Variants in EXOC6B observed in about 807,000 individuals in gnomAD.
The protein encoded by EXOC6B is exocyst complex component 6B.
A neutral mutation model predicts 113.5 loss-of-function variants in EXOC6B; 54 were observed. That is an observed-to-expected ratio of 0.48 (90% confidence interval 0.38 to 0.60). The LOEUF is 0.60. Ranked by LOEUF, EXOC6B falls within the 20% of genes least tolerant of loss-of-function variation. EXOC6B has a pLI of 0.00. For synonymous variants in EXOC6B, 357 were observed against 339.0 expected, an observed-to-expected ratio of 1.05 and a Z score of -0.58; for missense variants, 797 against 977.5, an observed-to-expected ratio of 0.82 and a Z score of 2.46.
At chr2:72,705,668 G>T (rs1384482783) in intron 6 of EXOC6B, among the ~76,000 whole-genome samples, 2 of 151,622 alleles carry the variant, frequency 1.3e-5, no homozygotes, top group African/African-American at 4.8e-5. Flanking sequence ...TCACACAACT[G>T]TCCTAATCTG....
rs190019402 is a variant in EXOC6B at position 72,788,457 on chromosome 2, C to T, written c.113+37341G>A. ...TTTTTACCTGCAAACCATGAGGTAT[C>T]GAATCTGGGGTTCTTAACAACATAT... On this transcript the variant is annotated intron_variant, in intron 1 of 21. Coordinates refer to ENST00000272427, the MANE Select transcript of EXOC6B (RefSeq NM_015189.3). Among the ~76,000 whole-genome samples, 471 of 152,182 alleles carry T rather than the reference C, an allele frequency of 3.1e-3. 4 individuals carry two copies. Among genetic ancestry groups the T allele is most frequent in the Non-Finnish European group, 3.2e-3 (221 of 68,010 alleles).
chr2:72,675,246 A>G (rs1160430052), intron 6 of EXOC6B, among the ~76,000 whole-genome samples: 5 of 152,256 alleles, frequency 3.3e-5, no homozygotes, highest in African/African-American at 1.2e-4. Flanking sequence ...AAACTGCCAC[A>G]GTTGATTAAA....
intron 6 of EXOC6B, among the ~76,000 whole-genome samples, chr2:72,704,934 T>C (rs543462766): frequency 2.6e-4 from 39 of 151,700 alleles, no homozygotes; most frequent in African/African-American, 8.7e-4. Context: ...TCTGAAACTA[T>C]TCCAATCAAT....
intron 8 of EXOC6B, among the ~76,000 whole-genome samples, chr2:72,526,014 A>G (rs1165022344): frequency 1.3e-5 from 2 of 152,118 alleles, no homozygotes; most frequent in African/African-American, 2.4e-5. Context: ...TTATTCATAT[A>G]CCCAATTTCA....
chr2:72,605,973 T>A (rs1670729017), intron 6 of EXOC6B, among the ~76,000 whole-genome samples: 3 of 152,118 alleles, frequency 2.0e-5, no homozygotes, highest in African/African-American at 7.2e-5. Context: ...TGACTTTAGA[T>A]AAAATGACTA....
intron 8 of EXOC6B, among the ~76,000 whole-genome samples, chr2:72,527,116 A>G (rs983604902): frequency 6.6e-6 from 1 of 151,948 alleles, no homozygotes; most frequent in African/African-American, 2.4e-5. Flanking sequence ...CTCAATTTCT[A>G]TATCATTTCC....
At chr2:72,511,758 T>C (rs1289138387) in intron 11 of EXOC6B, among the ~76,000 whole-genome samples, 2 of 152,142 alleles carry the variant, frequency 1.3e-5, no homozygotes, top group South Asian at 2.1e-4. Context: ...CTTCACCCTA[T>C]GTTCTATCCA....
chr2:72,544,451 T>A (rs1234273542), intron 8 of EXOC6B, among the ~76,000 whole-genome samples: 1 of 152,134 alleles, frequency 6.6e-6, no homozygotes, highest in Non-Finnish European at 1.5e-5. Context: ...AAGCAGCTTT[T>A]CTTTAGATCT....
chr2:72,385,417 AC>A (rs1306411054), intron 18 of EXOC6B, among the ~76,000 whole-genome samples: 1 of 151,998 alleles, frequency 6.6e-6, no homozygotes, highest in Non-Finnish European at 1.5e-5. Flanking sequence ...GAAAAAAAAA[AC>A]AGATGAAAAA....
intron 6 of EXOC6B, among the ~76,000 whole-genome samples, chr2:72,641,109 G>A (rs535818769): frequency 1.2e-4 from 18 of 152,318 alleles, no homozygotes; most frequent in African/African-American, 4.1e-4. Context: ...CAAGATGGCC[G>A]AATAGGAGCA....
intron 6 of EXOC6B, among the ~76,000 whole-genome samples, chr2:72,584,653 T>C (rs961270144): frequency 1.3e-5 from 2 of 152,230 alleles, no homozygotes; most frequent in African/African-American, 2.4e-5. Context: ...AGTGGACCAA[T>C]TGGACCTAAC....
At chr2:72,289,771 C>G (rs1685671748) in intron 20 of EXOC6B, among the ~76,000 whole-genome samples, 1 of 152,050 alleles carries the variant, frequency 6.6e-6, no homozygotes, top group African/African-American at 2.4e-5. Context: ...TGGCTCATGC[C>G]TTTAGTACCT....
At chr2:72,264,134 TTGA>T (rs976081258) in intron 20 of EXOC6B, among the ~76,000 whole-genome samples, 1 of 152,222 alleles carries the variant, frequency 6.6e-6, no homozygotes, top group Non-Finnish European at 1.5e-5. Flanking sequence ...CTAAACCATG[TTGA>T]TCTTTCCTGC....
intron 18 of EXOC6B, among the ~76,000 whole-genome samples, chr2:72,426,562 C>T (rs1340828565): frequency 6.6e-6 from 1 of 152,006 alleles, no homozygotes; most frequent in Non-Finnish European, 1.5e-5. Flanking sequence ...CTCTACTTAC[C>T]AGGTCACTTT....
chr2:72,606,363 A>G (rs1466343017), intron 6 of EXOC6B, among the ~76,000 whole-genome samples: 1 of 152,170 alleles, frequency 6.6e-6, no homozygotes, highest in Non-Finnish European at 1.5e-5. Flanking sequence ...CACATACAAT[A>G]TTAAACAGGC....
At chr2:72,472,008 A>G (rs1014384669) in intron 17 of EXOC6B, among the ~76,000 whole-genome samples, 1 of 152,134 alleles carries the variant, frequency 6.6e-6, no homozygotes, top group African/African-American at 2.4e-5. Flanking sequence ...CATTCTGTTG[A>G]TGTGAAGTTT....
At chr2:72,319,751 C>G (rs1029027151) in intron 20 of EXOC6B, among the ~76,000 whole-genome samples, 1 of 151,954 alleles carries the variant, frequency 6.6e-6, no homozygotes. Context: ...GAACTGTGTT[C>G]GTGGATTAGA....
intron 18 of EXOC6B, among the ~76,000 whole-genome samples, chr2:72,414,280 A>G (rs1694378706): frequency 6.6e-6 from 1 of 152,208 alleles, no homozygotes; most frequent in East Asian, 1.9e-4. Flanking sequence ...TAATTTTTCT[A>G]AAGTCCCATA....
intron 16 of EXOC6B, among the ~76,000 whole-genome samples, chr2:72,486,241 T>G (rs1297138944): frequency 6.6e-6 from 1 of 151,914 alleles, no homozygotes; most frequent in African/African-American, 2.4e-5. Flanking sequence ...TGGTGGCACA[T>G]GCCTGTAATC....
Sources: gnomAD v4.1 joint callset for allele counts (sites outside exome capture counted in the v4.1 genomes callset) on GRCh38, gnomAD v4.1.1 for gene constraint, MANE v1.5 for transcripts, NCBI Gene and HGNC (gene_info 2026-07-23, HGNC 2026-07-21) for gene names.